Variants in FREM1 observed in about 807,000 individuals in gnomAD.
FREM1 encodes FRAS1 related extracellular matrix 1.
Under a neutral mutation model 210.1 loss-of-function variants are expected in FREM1, and 220 were observed. The observed-to-expected ratio is 1.05, with a 90% CI of 0.94 to 1.17. The LOEUF (loss-of-function observed/expected upper bound fraction) is 1.17, where lower values mean the gene tolerates loss of function less well. FREM1 is among the 50% of genes most tolerant of loss of function. The pLI, the probability that FREM1 is intolerant of heterozygous loss-of-function variation, is 0.00. For missense variants in FREM1, 3,454 were observed against 2,675.5 expected (o/e 1.29, Z -6.42); for synonymous variants, 1,189 against 980.2 (o/e 1.21, Z -3.98).
intron 1 of FREM1, among the ~76,000 whole-genome samples, chr9:14,874,162 G>C (rs769986601): frequency 1.4e-4 from 21 of 152,168 alleles, no homozygotes; most frequent in Non-Finnish European, 2.6e-4. Context: ...GGGGTGGAGG[G>C]TTCTGCAGAT....
At chr9:14,855,004 A>C (rs765991113) in intron 5 of FREM1, among the ~76,000 whole-genome samples, 9 of 152,102 alleles carry the variant, frequency 5.9e-5, no homozygotes, top group Non-Finnish European at 8.8e-5. Flanking sequence ...AATAATTTAT[A>C]GTTCTAATTG....
intron 17 of FREM1, 21 bp from the exon 18 acceptor site, chr9:14,806,867 A>C: frequency 6.6e-7 from 1 of 1,507,574 alleles, no homozygotes; most frequent in African/African-American, 1.4e-5. Flanking sequence ...ATAAAAACAC[A>C]ATTACAACTT....
intron 6 of FREM1, among the ~76,000 whole-genome samples, chr9:14,849,218 C>G (rs12236064): frequency 6.6e-6 from 1 of 151,960 alleles, no homozygotes; most frequent in Non-Finnish European, 1.5e-5. Flanking sequence ...CTATTGTCAT[C>G]GAGTGGGTAG....
intron 1 of FREM1, among the ~76,000 whole-genome samples, chr9:14,890,361 G>A (rs1436774224): frequency 6.6e-6 from 1 of 152,106 alleles, no homozygotes; most frequent in Non-Finnish European, 1.5e-5. Context: ...ATATTTTGGA[G>A]ACGTTAAAAG....
intron 10 of FREM1, among the ~76,000 whole-genome samples, chr9:14,832,066 G>A (rs1367701425): frequency 6.6e-6 from 1 of 152,156 alleles, no homozygotes; most frequent in East Asian, 1.9e-4. Context: ...CACTCCCCTG[G>A]AACATATTTT....
At chr9:14,860,068 G>T (rs1354627587) in intron 3 of FREM1, among the ~76,000 whole-genome samples, 1 of 152,028 alleles carries the variant, frequency 6.6e-6, no homozygotes, top group Non-Finnish European at 1.5e-5. Context: ...TTTTTTTGAA[G>T]GGAGAAGATT....
chr9:14,873,152 A>G (rs1019520480), intron 1 of FREM1, among the ~76,000 whole-genome samples: 1 of 152,070 alleles, frequency 6.6e-6, no homozygotes, highest in East Asian at 1.9e-4. Context: ...TGTCTCTGCC[A>G]GGCTTTGGTA....
chr9:14,781,445 A>G (rs1849632415), intron 24 of FREM1, among the ~76,000 whole-genome samples: 1 of 152,130 alleles, frequency 6.6e-6, no homozygotes, highest in Admixed American at 6.6e-5. Context: ...GTGTACTCTT[A>G]TTATTTACTA....
chr9:14,849,094 A>C (rs950348522), intron 6 of FREM1, among the ~76,000 whole-genome samples: 3 of 152,164 alleles, frequency 2.0e-5, no homozygotes, highest in African/African-American at 7.2e-5. Context: ...TCTTTCTCAA[A>C]GGTGGAGGAT....
chr9:14,759,720 C>T, intron 28 of FREM1, 52 bp downstream of exon 28: 1 of 1,453,374 alleles, frequency 6.9e-7, no homozygotes, highest in Non-Finnish European at 9.2e-7. Flanking sequence ...ATGAAAGACA[C>T]CAAAGAACAA....
intron 27 of FREM1, among the ~76,000 whole-genome samples, chr9:14,763,236 T>C (rs942977560): frequency 1.3e-4 from 20 of 152,198 alleles, no homozygotes; most frequent in African/African-American, 4.8e-4. Flanking sequence ...GTGGGAATGA[T>C]GTTTAGCAGC....
chr9:14,861,348 T>TACATATATACACATATATAC (rs1176414270), intron 3 of FREM1, among the ~76,000 whole-genome samples: 1 of 107,802 alleles, frequency 9.3e-6, no homozygotes, highest in African/African-American at 5.4e-5. Flanking sequence ...CACATATATA[T>TACATATATACACATATATAC]ACATATATAC....
chr9:14,832,927 A>G (rs1250320503), intron 10 of FREM1, among the ~76,000 whole-genome samples: 1 of 152,232 alleles, frequency 6.6e-6, no homozygotes, highest in East Asian at 1.9e-4. Context: ...GTTAGGATGC[A>G]GGCCCAGGAC....
chr9:14,739,029 A>AAC (rs35929344), intron 36 of FREM1, among the ~76,000 whole-genome samples: 1 of 150,134 alleles, frequency 6.7e-6, no homozygotes, highest in African/African-American at 2.5e-5. Context: ...AAAAAAAAAA[A>AAC]GATTTATTAT....
intron 27 of FREM1, among the ~76,000 whole-genome samples, chr9:14,766,541 T>A (rs1159007603): frequency 6.6e-6 from 1 of 152,142 alleles, no homozygotes; most frequent in East Asian, 1.9e-4. Context: ...ACTTGATGAA[T>A]CTCACGAAAC....
chr9:14,789,111 C>T lies in FREM1; in HGVS notation c.3985G>A (p.Gly1329Arg), dbSNP rs1240621660. 1 of 1,580,696 alleles carries T rather than the reference C, an allele frequency of 6.3e-7. No homozygotes were observed. The highest frequency in any genetic ancestry group is 8.6e-7 in the Non-Finnish European group (1 of 1,161,958). Residue 1329 changes from glycine to arginine, a missense_variant, in exon 23 of 37, where the codon GGG becomes AGG. By Grantham distance (125) the Gly-to-Arg change is moderately radical. Coordinates refer to ENST00000380880, the MANE Select transcript of FREM1 (RefSeq NM_001379081.2). ...PQNGQLQLKI[G>R]RDWVPLSPGM... The stretch of plus-strand genomic sequence containing the variant: ...GGGGAGAGAGGAACCCAGTCCCTCC[C>T]TATCTGGAAGGAGCCAGAGTTAGTC...
Position 14,737,509 on chromosome 9 carries a change from GAGAGGGCCCTCT to G in FREM1, c.6415_6426del (p.Arg2139_Ser2142del). 1 of 1,613,042 alleles carries G rather than the reference GAGAGGGCCCTCT, an allele frequency of 6.2e-7. No individual in the cohort carries two copies. On this transcript the variant is annotated inframe_deletion, in exon 37 of 37. Coordinates refer to ENST00000380880, the MANE Select transcript of FREM1 (RefSeq NM_001379081.2). ...CAGCTCTTTCCAAGCTTGGAGCGTT[GAGAGGGCCCTCT>G]TCTCCCATTGGTGAAGGCAACAGGT... is the stretch of plus-strand genomic sequence containing the variant.
chr9:14,802,676 G>C (rs1264577115), intron 19 of FREM1, among the ~76,000 whole-genome samples: 1 of 152,142 alleles, frequency 6.6e-6, no homozygotes, highest in Non-Finnish European at 1.5e-5. Context: ...GAACAAAAAA[G>C]TATTTCTGTT....
At position 14,747,065 on chromosome 9, in the gene FREM1, A is replaced by AGGCAATTTAGCAATT; in HGVS notation, c.6010-29_6010-15dup. 1.2e-6 allele frequency: 2 copies of AGGCAATTTAGCAATT among 1,612,978 alleles called. No individual in the cohort carries two copies. The highest frequency in any genetic ancestry group is 1.7e-6 in the Non-Finnish European group (2 of 1,179,436). ...GGGCAACTGGTCCTTTGGGAAGGAA[A>AGGCAATTTAGCAATT]GGCAATTTAGCAATTTAGAATTGAC... On this transcript the variant is annotated splice_polypyrimidine_tract_variant and intron_variant, in intron 33 of 36. Coordinates refer to ENST00000380880, the MANE Select transcript of FREM1 (RefSeq NM_001379081.2).
Sources: gnomAD v4.1 joint callset for allele counts (sites outside exome capture counted in the v4.1 genomes callset) on GRCh38, gnomAD v4.1.1 for gene constraint, MANE v1.5 for transcripts, NCBI Gene and HGNC (gene_info 2026-07-23, HGNC 2026-07-21) for gene names.